SLC22A3: variants seen among roughly 807,000 people sequenced by gnomAD.
The protein encoded by SLC22A3 is solute carrier family 22 member 3.
In SLC22A3, 51 loss-of-function variants were observed where a neutral mutation model predicts 59.1. The ratio of observed to expected loss-of-function variants is 0.86; its 90% CI spans 0.69 to 1.09. The LOEUF (loss-of-function observed/expected upper bound fraction) is 1.09, where lower values mean the gene tolerates loss of function less well. Among genes scored for constraint, SLC22A3 ranks in the 50% least tolerant of loss-of-function variants. The pLI is 0.00. For missense variants in SLC22A3, 711 were observed against 726.3 expected, an observed-to-expected ratio of 0.98 and a Z score of 0.24; for synonymous variants, 325 against 292.0, an observed-to-expected ratio of 1.11 and a Z score of -1.15.
chr6:160,410,702 A>T lies in SLC22A3; in HGVS notation c.858-27A>T, dbSNP rs201516082. On this transcript the variant is annotated intron_variant, in intron 4 of 10. Transcript: ENST00000275300. ...TTAGCGTTTGAAATTCCTAGACATAACTCACAACAGCCTCCTTCTTTGCCA... is the reference window on the plus strand; with the variant it reads ...TTAGCGTTTGAAATTCCTAGACATATCTCACAACAGCCTCCTTCTTTGCCA... The T allele has an allele frequency of 1.1e-5, 16 of 1,427,470 alleles. No individual in the cohort carries two copies. The East Asian group carries it at 3.6e-4, about 32-fold the overall frequency. The allele number at this position is 1,427,470 out of a possible 1,614,324, so 88.4% of individuals were successfully genotyped here. A position where few individuals can be genotyped will look rare whatever the true frequency, so the allele number is the denominator to read the frequency against.
chr6:160,427,945 T>C (rs980050925), intron 5 of SLC22A3, among the ~76,000 whole-genome samples: 33 of 152,200 alleles, frequency 2.2e-4, no homozygotes, highest in African/African-American at 7.7e-4. Context: ...TTCGATGACA[T>C]GTTGGATTCA....
At chr6:160,407,497 A>T (rs1348108414) in intron 3 of SLC22A3, among the ~76,000 whole-genome samples, 1 of 152,156 alleles carries the variant, frequency 6.6e-6, no homozygotes, top group African/African-American at 2.4e-5. Flanking sequence ...TAAGAAATTA[A>T]TTTTTATAAA....
Position 160,452,293 on chromosome 6 carries a change from C to G in SLC22A3, c.*1237C>G, listed in dbSNP as rs922813175. On this transcript the variant is annotated 3_prime_UTR_variant, in exon 11 of 11. Transcript: ENST00000275300. ...GGGAAACATTAACCATGAGGAAGAG[C>G]ATTTTTCTAAGGAGAACAGGTGACA... 1 of 152,172 alleles carries G rather than the reference C, an allele frequency of 6.6e-6. No individual in the cohort carries two copies. The highest frequency in any genetic ancestry group is 1.5e-5 in the Non-Finnish European group (1 of 68,036). The allele number at this position is 152,172 out of a possible 1,614,324, so 9.4% of individuals were successfully genotyped here.
At chr6:160,410,339 G>T (rs530722691) in intron 4 of SLC22A3, among the ~76,000 whole-genome samples, 85 of 152,296 alleles carry the variant, frequency 5.6e-4, no homozygotes, top group African/African-American at 2.0e-3. Context: ...TTATTGGAAT[G>T]AACATGTTTT....
At chr6:160,422,774 CA>C (rs34563160) in intron 5 of SLC22A3, among the ~76,000 whole-genome samples, 40,686 of 151,822 alleles carry the variant, frequency 0.27, 5,720 homozygotes, top group East Asian at 0.45. Context: ...CAGCCAGAAC[CA>C]AGAATATTTT....
intron 1 of SLC22A3, among the ~76,000 whole-genome samples, chr6:160,366,467 G>T (rs985474796): frequency 6.6e-6 from 1 of 152,204 alleles, no homozygotes; most frequent in Admixed American, 6.5e-5. Context: ...TGCCTTCATG[G>T]CTGGCATTGA....
chr6:160,419,138 T>C (rs1455948171), intron 5 of SLC22A3, among the ~76,000 whole-genome samples: 1 of 152,164 alleles, frequency 6.6e-6, no homozygotes, highest in African/African-American at 2.4e-5. Context: ...ATAGAAAAAA[T>C]TAAAACCTCA....
At chr6:160,392,169 T>G (rs1786286085) in intron 1 of SLC22A3, among the ~76,000 whole-genome samples, 1 of 152,108 alleles carries the variant, frequency 6.6e-6, no homozygotes, top group Admixed American at 6.5e-5. Context: ...CTTAAAACAG[T>G]GTACTTCCCA....
At chr6:160,413,735 T>C (rs556600959) in intron 5 of SLC22A3, among the ~76,000 whole-genome samples, 46 of 152,170 alleles carry the variant, frequency 3.0e-4, no homozygotes, top group Non-Finnish European at 6.2e-4. Context: ...GATGGGGCCA[T>C]GGTATATAAA....
intron 5 of SLC22A3, among the ~76,000 whole-genome samples, chr6:160,416,060 T>C (rs779190976): frequency 6.6e-6 from 1 of 152,170 alleles, no homozygotes; most frequent in Non-Finnish European, 1.5e-5. Flanking sequence ...TCAGTTACAG[T>C]TCACATGGAT....
At chr6:160,370,877 A>G (rs2114773064) in intron 1 of SLC22A3, among the ~76,000 whole-genome samples, 1 of 152,064 alleles carries the variant, frequency 6.6e-6, no homozygotes, top group Non-Finnish European at 1.5e-5. Context: ...GCTTCCTCTC[A>G]TTTCTTTGCT....
chr6:160,424,672 C>G (rs1157907908), intron 5 of SLC22A3, among the ~76,000 whole-genome samples: 1 of 152,208 alleles, frequency 6.6e-6, no homozygotes, highest in East Asian at 1.9e-4. Context: ...TGACTCCCAA[C>G]TGCCTACTGT....
chr6:160,438,603 C>T (rs1171035270), intron 7 of SLC22A3, among the ~76,000 whole-genome samples: 1 of 145,762 alleles, frequency 6.9e-6, no homozygotes, highest in African/African-American at 2.6e-5. Context: ...CACATACACA[C>T]ACACACACAC....
chr6:160,398,189 G>A (rs1021584084), intron 2 of SLC22A3, 107 bp downstream of exon 2: 8 of 821,442 alleles, frequency 9.7e-6, no homozygotes, highest in Admixed American at 5.8e-5. Context: ...TGCTAAATTC[G>A]CAAACAATTC....
At position 160,415,151 on chromosome 6, in the gene SLC22A3, T is replaced by C. The variant is rs569808540; in HGVS notation, c.975+4305T>C. Among the ~76,000 whole-genome samples, 2 of 152,338 alleles carry C rather than the reference T, an allele frequency of 1.3e-5. No individual in the cohort carries two copies. Among genetic ancestry groups the C allele is most frequent in the African/African-American group, 4.8e-5 (2 of 41,582 alleles). On this transcript the variant is annotated intron_variant, in intron 5 of 10. Coordinates refer to ENST00000275300, the MANE Select transcript of SLC22A3 (RefSeq NM_021977.4). This position sits in a 1 kb window ranked among gnomAD's most constrained non-coding sequence, Gnocchi z 4.1. ...GCGTAAGCAGAAAAGCAAAGTGTTA[T>C]CTTCAAGAGAAGGATTTAACATTTA... is the stretch of plus-strand genomic sequence containing the variant.
chr6:160,362,836 G>A (rs1785063892), intron 1 of SLC22A3, among the ~76,000 whole-genome samples: 2 of 152,240 alleles, frequency 1.3e-5, no homozygotes, highest in South Asian at 2.1e-4. Flanking sequence ...CCGAGCTCGA[G>A]GTGGTGCCGG....
intron 9 of SLC22A3, among the ~76,000 whole-genome samples, chr6:160,445,528 C>A (rs930735315): frequency 2.0e-5 from 3 of 152,158 alleles, no homozygotes; most frequent in Admixed American, 6.5e-5. Context: ...GTTGGAAGGA[C>A]CCCCCAGCAT....
chr6:160,450,419 T>C (rs984856584), intron 10 of SLC22A3, among the ~76,000 whole-genome samples: 6 of 152,194 alleles, frequency 3.9e-5, no homozygotes, highest in African/African-American at 1.4e-4. Context: ...TCTTGTTCCC[T>C]GAAAATCGCT....
At chr6:160,406,929 G>C in intron 2 of SLC22A3, 112 bp from the exon 3 acceptor site, 1 of 1,187,492 alleles carries the variant, frequency 8.4e-7, no homozygotes, top group Non-Finnish European at 1.1e-6. Context: ...AAAATAAAAT[G>C]ATATAATGTA....
Sources: allele counts gnomAD v4.1 joint callset (sites outside exome capture counted in the v4.1 genomes callset), GRCh38; gene constraint gnomAD v4.1.1; non-coding constraint Gnocchi (gnomAD v3.1); transcripts MANE v1.5; gene names NCBI Gene and HGNC (gene_info 2026-07-23, HGNC 2026-07-21).